STARD13: variants seen among roughly 807,000 people sequenced by gnomAD.
STARD13 encodes the protein stAR-related lipid transfer protein 13.
Under a neutral mutation model 106.4 loss-of-function variants are expected in STARD13, and 62 were observed. The observed-to-expected ratio is 0.58, with a 90% confidence interval of 0.48 to 0.72. The LOEUF (loss-of-function observed/expected upper bound fraction) is 0.72. Among genes scored for constraint, STARD13 ranks in the 30% least tolerant of loss-of-function variants. The pLI is 0.00. For missense variants in STARD13, 1,387 were observed against 1,424.0 expected (o/e 0.97, Z 0.42); for synonymous variants, 565 against 553.0 (o/e 1.02, Z -0.31).
the STARD13 span, among the ~76,000 whole-genome samples, chr13:33,432,465 G>T: frequency 6.0e-4 from 92 of 152,078 alleles, no homozygotes; most frequent in Middle Eastern, 3.2e-3. Flanking sequence ...CCTGGGGGAA[G>T]GGGCAGCTTC....
At chr13:33,458,345 T>C in the STARD13 span, among the ~76,000 whole-genome samples, 1 of 151,578 alleles carries the variant, frequency 6.6e-6, no homozygotes, top group African/African-American at 2.4e-5. Flanking sequence ...CAATCTTGGC[T>C]CACTGCAAGC....
At chr13:33,284,375 C>A (rs1048929713) in intron 1 of STARD13, among the ~76,000 whole-genome samples, 7 of 152,178 alleles carry the variant, frequency 4.6e-5, no homozygotes, top group African/African-American at 1.7e-4. Context: ...ACCCCAACTT[C>A]CTCTTTAATA....
the STARD13 span, among the ~76,000 whole-genome samples, chr13:33,499,604 T>TTCTTTCTTCTTCTTCTTCTTCTTCTTC: frequency 2.5e-5 from 1 of 39,896 alleles, no homozygotes; most frequent in African/African-American, 9.1e-5. Flanking sequence ...CTTCTTCTTC[T>TTCTTTCTTCTTCTTCTTCTTCTTCTTC]TTCTTCTTCT....
chr13:33,140,117 G>C (rs1879617398), intron 4 of STARD13, among the ~76,000 whole-genome samples: 1 of 152,198 alleles, frequency 6.6e-6, no homozygotes, highest in Non-Finnish European at 1.5e-5. Context: ...CTTTTGTGGA[G>C]GTAACGCACA....
At chr13:33,563,464 A>G in the STARD13 span, among the ~76,000 whole-genome samples, 8 of 147,502 alleles carry the variant, frequency 5.4e-5, no homozygotes, top group Non-Finnish European at 9.0e-5. Context: ...AAGCACCAAA[A>G]TATGCAATGG....
Position 33,260,714 on chromosome 13 carries a change from T to C in STARD13, c.169+24756A>G, listed in dbSNP as rs143090507. Among the ~76,000 whole-genome samples, 87 of 152,340 alleles carry C rather than the reference T, an allele frequency of 5.7e-4. No homozygotes were observed. In the East Asian group the frequency reaches 0.013, roughly 23 times the overall value. ...TATTGCGACTTCTTTTATCTACATT[T>C]GAAACCAAAATTTACCTTACCAAAA... On this transcript the variant is annotated intron_variant, in intron 1 of 13. Transcript: ENST00000336934.
the STARD13 span, among the ~76,000 whole-genome samples, chr13:33,616,081 C>T: frequency 6.6e-6 from 1 of 151,070 alleles, no homozygotes; most frequent in Non-Finnish European, 1.5e-5. Flanking sequence ...ATTAAAGACA[C>T]ATTTCTTGAC....
the STARD13 span, among the ~76,000 whole-genome samples, chr13:33,539,328 C>T: frequency 2.0e-5 from 3 of 152,196 alleles, no homozygotes; most frequent in Non-Finnish European, 4.4e-5. Context: ...GATGTCAGTT[C>T]TCTCCAAGCT....
the STARD13 span, among the ~76,000 whole-genome samples, chr13:33,430,372 A>T: frequency 6.6e-6 from 1 of 152,214 alleles, no homozygotes; most frequent in African/African-American, 2.4e-5. Context: ...TACACATACT[A>T]TGTACCCAGA....
At chr13:33,258,576 C>T (rs757360030) in intron 1 of STARD13, among the ~76,000 whole-genome samples, 2 of 152,090 alleles carry the variant, frequency 1.3e-5, no homozygotes, top group Non-Finnish European at 2.9e-5. Context: ...CAGGCTATTT[C>T]TAAATGCAGA....
At chr13:33,538,103 ACT>A in the STARD13 span, among the ~76,000 whole-genome samples, 1 of 151,476 alleles carries the variant, frequency 6.6e-6, no homozygotes, top group South Asian at 2.1e-4. Context: ...TAGCATAAAG[ACT>A]CTCAGATTAC....
chr13:33,590,906 G>A, the STARD13 span, among the ~76,000 whole-genome samples: 1 of 152,038 alleles, frequency 6.6e-6, no homozygotes, highest in African/African-American at 2.4e-5. Flanking sequence ...TCTTGAAGTC[G>A]CTTTGAGAAT....
intron 1 of STARD13, among the ~76,000 whole-genome samples, chr13:33,322,950 A>G (rs1893613567): frequency 6.6e-6 from 1 of 152,234 alleles, no homozygotes; most frequent in Non-Finnish European, 1.5e-5. Context: ...ATTTTTAAAA[A>G]CACTCTTTTT....
At chr13:33,420,472 C>A in the STARD13 span, among the ~76,000 whole-genome samples, 1 of 152,178 alleles carries the variant, frequency 6.6e-6, no homozygotes, top group Non-Finnish European at 1.5e-5. Flanking sequence ...TAGAGACCTA[C>A]AAAGAGACTT....
the STARD13 span, among the ~76,000 whole-genome samples, chr13:33,479,940 ATAGC>A: frequency 4.3e-4 from 66 of 152,290 alleles, no homozygotes; most frequent in Admixed American, 2.6e-4. Flanking sequence ...TGCTTCCTGT[ATAGC>A]TGCCTGTGGA....
In STARD13 at chr13:33,318,272, C is replaced by T. The variant is rs115802505; in HGVS notation, c.124+32018G>A. Among the ~76,000 whole-genome samples the T allele has an allele frequency of 4.9e-3, 750 of 152,226 alleles. 7 individuals are homozygous for T. Among genetic ancestry groups the T allele is most frequent in the African/African-American group, 0.017 (701 of 41,550 alleles). ...CACTCATTCTGACTCACAGAGAATA[C>T]GTATTTATTTTAATATAAGAATGAA... On this transcript the variant is annotated intron_variant, in intron 1 of 5. Transcript: ENST00000567873.
the STARD13 span, among the ~76,000 whole-genome samples, chr13:33,404,401 G>A: frequency 6.6e-6 from 1 of 152,188 alleles, no homozygotes; most frequent in Admixed American, 6.6e-5. Flanking sequence ...AGAAATGAGA[G>A]AGAGAGAGTC....
At chr13:33,114,323 C>T (rs909606550) in intron 8 of STARD13, among the ~76,000 whole-genome samples, 10 of 152,134 alleles carry the variant, frequency 6.6e-5, no homozygotes. Context: ...ATGCTGGATT[C>T]GCCTGCAGTC....
At chr13:33,459,800 G>T in the STARD13 span, among the ~76,000 whole-genome samples, 1 of 152,044 alleles carries the variant, frequency 6.6e-6, no homozygotes, top group Non-Finnish European at 1.5e-5. Flanking sequence ...ATTATTTCAT[G>T]TTTATTTGAA....
Sources: gnomAD v4.1 joint callset for allele counts (sites outside exome capture counted in the v4.1 genomes callset) on GRCh38, gnomAD v4.1.1 for gene constraint, MANE v1.5 for transcripts, NCBI Gene and HGNC (gene_info 2026-07-23, HGNC 2026-07-21) for gene names.